GPHN: variants seen among roughly 807,000 people sequenced by gnomAD.
GPHN encodes gephyrin.
GPHN carries 17 observed loss-of-function variants against 95.5 expected under a neutral mutation model. The ratio of observed to expected loss-of-function variants is 0.18; its 90% CI spans 0.12 to 0.27. The LOEUF is 0.27. Ranked by LOEUF, GPHN falls within the 10% of genes least tolerant of loss-of-function variation. The probability of loss-of-function intolerance (pLI) is 1.00; values close to 1 mark genes in which losing one functional copy is unlikely to be tolerated. For synonymous variants in GPHN, 320 were observed against 322.5 expected, an observed-to-expected ratio of 0.99 and a Z score of 0.08; for missense variants, 660 against 978.1, an observed-to-expected ratio of 0.67 and a Z score of 4.34.
chr14:66,952,788 G>A (rs946852100), intron 8 of GPHN, among the ~76,000 whole-genome samples: 2 of 151,994 alleles, frequency 1.3e-5, no homozygotes, highest in South Asian at 2.1e-4. Context: ...TCAGCCTCCC[G>A]GGTTCAAGTG....
chr14:67,467,063 T>C, the GPHN span: 3 of 151,706 alleles, frequency 2.0e-5, no homozygotes, highest in South Asian at 2.1e-4. Context: ...CTATCAACCT[T>C]TGAGTGTGTG....
intron 2 of GPHN, among the ~76,000 whole-genome samples, chr14:66,762,430 G>A (rs1004195228): frequency 6.6e-6 from 1 of 151,944 alleles, no homozygotes; most frequent in East Asian, 1.9e-4. Context: ...TATTATGGTC[G>A]ATATCTTTAA....
intron 8 of GPHN, among the ~76,000 whole-genome samples, chr14:66,940,328 C>G (rs2067352689): frequency 1.3e-5 from 2 of 151,982 alleles, no homozygotes; most frequent in African/African-American, 4.8e-5. Context: ...AGATTAATGA[C>G]TACTCATGTA....
At chr14:67,338,446 T>C in the GPHN span, 2 of 669,688 alleles carry the variant, frequency 3.0e-6, no homozygotes, top group African/African-American at 3.6e-5. Flanking sequence ...CCATGATAAA[T>C]GGTTGCTAAA....
the GPHN span, chr14:67,562,675 T>C: frequency 6.2e-7 from 1 of 1,612,538 alleles, no homozygotes; most frequent in Non-Finnish European, 8.5e-7. Context: ...TGGTGAACAT[T>C]GAGACTGAGG....
chr14:66,835,370 C>G (rs2061754705), intron 4 of GPHN, among the ~76,000 whole-genome samples: 1 of 151,900 alleles, frequency 6.6e-6, no homozygotes, highest in Admixed American at 6.6e-5. Context: ...TTGGATCTTT[C>G]CTGCTTTCTC....
At chr14:67,022,982 A>G (rs1352671997) in intron 9 of GPHN, among the ~76,000 whole-genome samples, 1 of 152,026 alleles carries the variant, frequency 6.6e-6, no homozygotes. Flanking sequence ...TAAATTCTAT[A>G]TACACCTAAG....
rs112204003 is a variant in GPHN, at chr14:66,841,962, C to A, written c.294+17396C>A. Reference sequence around the variant, plus strand: ...CAGCTACTCGGGAGGCTGAGGCAGGCGAATTGCTTGAACCCAAGAGGCAAG... The same window carrying A: ...CAGCTACTCGGGAGGCTGAGGCAGGAGAATTGCTTGAACCCAAGAGGCAAG... On this transcript the variant is annotated intron_variant, in intron 4 of 22. Transcript: ENST00000478722. Among the ~76,000 whole-genome samples, 469 of 151,992 alleles carry A rather than the reference C, an allele frequency of 3.1e-3. 11 individuals carry two copies. Among genetic ancestry groups the A allele is most frequent in the African/African-American group, 0.011 (444 of 41,442 alleles).
the GPHN span, among the ~76,000 whole-genome samples, chr14:67,381,300 A>C: frequency 6.6e-6 from 1 of 152,242 alleles, no homozygotes; most frequent in South Asian, 2.1e-4. Context: ...TATATTATAC[A>C]TACTTAACCA....
chr14:67,627,492 T>C, the GPHN span, among the ~76,000 whole-genome samples: 1 of 152,132 alleles, frequency 6.6e-6, no homozygotes, highest in Non-Finnish European at 1.5e-5. Context: ...GAAACTGGCA[T>C]CTCTGAGGTG....
chr14:67,665,608 C>T, the GPHN span, among the ~76,000 whole-genome samples: 22 of 152,192 alleles, frequency 1.4e-4, no homozygotes, highest in African/African-American at 5.1e-4. Context: ...ATTTTGGATG[C>T]GTATATTCTA....
chr14:67,469,378 G>A, the GPHN span, among the ~76,000 whole-genome samples: 3 of 150,814 alleles, frequency 2.0e-5, no homozygotes, highest in Non-Finnish European at 2.9e-5. Context: ...CTGGGCTCAC[G>A]TGATCCTCCT....
chr14:67,285,964 C>T, the GPHN span, among the ~76,000 whole-genome samples: 1 of 152,152 alleles, frequency 6.6e-6, no homozygotes, highest in South Asian at 2.1e-4. Flanking sequence ...AATATATTCT[C>T]TCTTTTAAAT....
the GPHN span, among the ~76,000 whole-genome samples, chr14:67,552,314 G>A: frequency 1.3e-5 from 2 of 152,248 alleles, no homozygotes; most frequent in African/African-American, 4.8e-5. Flanking sequence ...AGAGCTCCAG[G>A]TGTGGCCTTT....
chr14:67,179,524 T>C, intron 21 of GPHN, 54 bp from the exon 22 acceptor site: 1 of 995,226 alleles, frequency 1.0e-6, no homozygotes, highest in Non-Finnish European at 1.6e-6. Context: ...ATCTTGTATT[T>C]TTGTGAGATG....
At chr14:67,392,660 A>G in the GPHN span, 1 of 1,607,918 alleles carries the variant, frequency 6.2e-7, no homozygotes, top group Non-Finnish European at 8.5e-7. Flanking sequence ...TCCCCAACTT[A>G]CAAAAGTGTA....
At chr14:66,891,883 A>G (rs1402353159) in intron 5 of GPHN, among the ~76,000 whole-genome samples, 1 of 152,168 alleles carries the variant, frequency 6.6e-6, no homozygotes, top group Non-Finnish European at 1.5e-5. Context: ...GATCCTCAGC[A>G]TCAATAGTCA....
At chr14:66,638,006 CAT>C (rs549903899) in intron 1 of GPHN, among the ~76,000 whole-genome samples, 5 of 151,790 alleles carry the variant, frequency 3.3e-5, no homozygotes, top group South Asian at 4.2e-4. Context: ...TATTTCTGTA[CAT>C]ATATATATAT....
At position 66,757,413 on chromosome 14, in the gene GPHN, C is replaced by A. The variant is rs539261364; in HGVS notation, c.144-19051C>A. 1.4e-4 allele frequency among the ~76,000 whole-genome samples: 21 copies of A among 151,838 alleles called. 1 individual carries two copies. Among genetic ancestry groups the A allele is most frequent in the African/African-American group, 4.3e-4 (18 of 41,384 alleles). ...ATTGCATTTATTGATTGATTGAGAC[C>A]AATTCTCACTCTGTCACCCAGGCTG... is the stretch of plus-strand genomic sequence containing the variant. On this transcript the variant is annotated intron_variant, in intron 2 of 22. Transcript: ENST00000478722.
Sources: allele counts gnomAD v4.1 joint callset (sites outside exome capture counted in the v4.1 genomes callset), GRCh38; gene constraint gnomAD v4.1.1; transcripts MANE v1.5; gene names NCBI Gene and HGNC (gene_info 2026-07-23, HGNC 2026-07-21).